Variants in KDM7A observed in about 807,000 individuals in gnomAD.
KDM7A encodes the protein lysine-specific demethylase 7A.
Under a neutral mutation model 114.8 loss-of-function variants are expected in KDM7A, and 28 were observed. The observed-to-expected ratio is 0.24, with a 90% CI of 0.18 to 0.33. KDM7A has a LOEUF of 0.33. KDM7A is among the 10% of genes least tolerant of loss of function. The pLI is 1.00. For missense variants in KDM7A, 942 were observed against 1,142.5 expected, an observed-to-expected ratio of 0.82 and a Z score of 2.53; for synonymous variants, 423 against 397.8, an observed-to-expected ratio of 1.06 and a Z score of -0.75.
chr7:140,172,834 A>T (rs147907936), intron 1 of KDM7A, among the ~76,000 whole-genome samples: 1 of 152,284 alleles, frequency 6.6e-6, no homozygotes, highest in African/African-American at 2.4e-5. Flanking sequence ...AAGAATTCCA[A>T]TTTTTTTAAA....
At chr7:140,130,171 A>G (rs913661931) in intron 3 of KDM7A, among the ~76,000 whole-genome samples, 2 of 152,256 alleles carry the variant, frequency 1.3e-5, no homozygotes, top group African/African-American at 4.8e-5. Context: ...GTATTTTAGT[A>G]TGTAAACTAC....
Position 140,124,861 on chromosome 7 carries a change from T to C in KDM7A, c.889-78A>G, listed in dbSNP as rs1232209138. The C allele has an allele frequency of 3.8e-6, 3 of 779,778 alleles. No individual in the cohort carries two copies. The African/African-American group carries it at 5.3e-5, about 14-fold the overall frequency. The allele number at this position is 779,778 out of a possible 1,614,324, so 48.3% of individuals were successfully genotyped here. On this transcript the variant is annotated intron_variant, in intron 6 of 19. Coordinates refer to ENST00000397560, the MANE Select transcript of KDM7A (RefSeq NM_030647.2). Reference sequence around the variant, plus strand: ...AGCCTACATTGATGCAATTTCTCAATACAATGATACAAATTAAATTGGATA... The same window carrying C: ...AGCCTACATTGATGCAATTTCTCAACACAATGATACAAATTAAATTGGATA...
intron 1 of KDM7A, among the ~76,000 whole-genome samples, chr7:140,141,587 C>A (rs1794278289): frequency 6.6e-6 from 1 of 151,952 alleles, no homozygotes; most frequent in African/African-American, 2.4e-5. Context: ...ATATATGTAT[C>A]TTTTTATTTT....
intron 6 of KDM7A, 95 bp downstream of exon 6, chr7:140,126,542 T>A: frequency 1.3e-5 from 8 of 637,848 alleles, no homozygotes; most frequent in Non-Finnish European, 1.7e-5. Context: ...AACTTCCCCC[T>A]TTACAAGTAA....
intron 18 of KDM7A, 50 bp from the exon 19 acceptor site, chr7:140,092,127 G>A (rs367758694): frequency 1.1e-4 from 178 of 1,557,420 alleles, no homozygotes; most frequent in Non-Finnish European, 1.4e-4. Context: ...TTTAAATGAG[G>A]TATTTAAGCT....
At position 140,091,896 on chromosome 7, in the gene KDM7A, C is replaced by T; in HGVS notation, c.2639G>A (p.Arg880Lys). Reference protein sequence around the residue: ...QISNGSLSPERPVGETSFSVP... With the variant: ...QISNGSLSPEKPVGETSFSVP... ...CGAGAAGGAAGTTTCACCAACTGGCCTTTCTGGGCTTAGACTGCCATTACT... is the reference window on the plus strand; with the variant it reads ...CGAGAAGGAAGTTTCACCAACTGGCTTTTCTGGGCTTAGACTGCCATTACT... The change falls in exon 19 of 20, where the codon AGG (arginine) becomes AAG (lysine). Residue 880 changes from arginine (R) to lysine (K), a missense_variant. Arg to Lys is a conservative substitution (Grantham distance 26). Around this residue, in one of 4 missense-constraint regions of KDM7A, gnomAD observed 512 missense variants for 576.6 expected, o/e 0.89. Transcript: ENST00000397560. 6.2e-7 allele frequency: 1 copy of T among 1,614,058 alleles called. No homozygotes were observed. The highest frequency in any genetic ancestry group is 8.5e-7 in the Non-Finnish European group (1 of 1,180,030).
intron 18 of KDM7A, among the ~76,000 whole-genome samples, chr7:140,092,623 G>A (rs1315337149): frequency 1.3e-5 from 2 of 152,094 alleles, no homozygotes; most frequent in Non-Finnish European, 2.9e-5. Flanking sequence ...AAACGCTACT[G>A]ATTGATGAGT....
chr7:140,100,660 T>TTATATATATATATATATACATATATA (rs1818185318), intron 12 of KDM7A, among the ~76,000 whole-genome samples: 9 of 111,284 alleles, frequency 8.1e-5, no homozygotes, highest in Non-Finnish European at 7.2e-5. Flanking sequence ...TTTTAAAAAG[T>TTATATATATATATATATACATATATA]TATATATATA....
At chr7:140,134,813 T>C (rs1399330353) in intron 2 of KDM7A, among the ~76,000 whole-genome samples, 1 of 152,086 alleles carries the variant, frequency 6.6e-6, no homozygotes, top group Admixed American at 6.5e-5. Context: ...ATTTTCACAA[T>C]ATGTTTTGGG....
intron 1 of KDM7A, among the ~76,000 whole-genome samples, chr7:140,172,397 T>C (rs1241685820): frequency 6.6e-6 from 1 of 152,166 alleles, no homozygotes; most frequent in Non-Finnish European, 1.5e-5. Flanking sequence ...CTCACACCTG[T>C]AATCCCAGCA....
At chr7:140,114,824 C>T (rs1211871839) in intron 9 of KDM7A, among the ~76,000 whole-genome samples, 24 of 151,602 alleles carry the variant, frequency 1.6e-4, no homozygotes, top group Non-Finnish European at 3.1e-4. Flanking sequence ...GCCGCGACCC[C>T]GTCTGGGAGG....
intron 18 of KDM7A, among the ~76,000 whole-genome samples, chr7:140,093,235 G>A (rs1024728876): frequency 6.6e-6 from 1 of 152,176 alleles, no homozygotes; most frequent in Non-Finnish European, 1.5e-5. Context: ...GCAAAACCCA[G>A]GAGGCCTTTT....
rs1156420486 is a variant in KDM7A, at chr7:140,087,503, TA to T, written c.*3590del. ...ATCATGAATAGTATTAGTTTTCATTTAAAAATATATATAAAGGTGCATTAAT... is the reference window on the plus strand; with the variant it reads ...ATCATGAATAGTATTAGTTTTCATTTAAAATATATATAAAGGTGCATTAAT... On this transcript the variant is annotated 3_prime_UTR_variant, in exon 20 of 20. Transcript: ENST00000397560. 2 of 152,224 alleles carry T rather than the reference TA, an allele frequency of 1.3e-5. No homozygotes were observed. The highest frequency in any genetic ancestry group is 2.4e-5 in the African/African-American group (1 of 41,460). 9.4% of individuals were successfully genotyped at this position (152,224 alleles called of 1,614,324 possible). A position where few individuals can be genotyped will look rare whatever the true frequency, so the allele number is the denominator to read the frequency against.
At chr7:140,153,511 C>A (rs1457153280) in intron 1 of KDM7A, among the ~76,000 whole-genome samples, 7 of 150,654 alleles carry the variant, frequency 4.6e-5, no homozygotes, top group African/African-American at 1.7e-4. Context: ...AAAAAGTAAT[C>A]ACACAAGCTG....
At chr7:140,174,493 C>G (rs1251634395) in intron 1 of KDM7A, among the ~76,000 whole-genome samples, 1 of 152,172 alleles carries the variant, frequency 6.6e-6, no homozygotes, top group Admixed American at 6.5e-5. Context: ...CCATCAAATA[C>G]CTGGGGCTTT....
rs1249857536 is a variant in KDM7A at position 140,176,057 on chromosome 7, C to T, written c.194+687G>A. ...CCGCCCGCCGGGGGCCCGGCCCCAA[C>T]TTCCCCGGCACCTTTCAAGTCCCCG... On this transcript the variant is annotated intron_variant, in intron 1 of 19. Transcript: ENST00000397560. The surrounding 1 kb of genome is among the most constrained non-coding windows in gnomAD (Gnocchi z 4.4). Among the ~76,000 whole-genome samples the T allele has an allele frequency of 6.6e-6, 1 of 151,786 alleles. No individual in the cohort carries two copies. Among genetic ancestry groups the T allele is most frequent in the Non-Finnish European group, 1.5e-5 (1 of 67,870 alleles).
In KDM7A at chr7:140,126,822, T is replaced by A. The variant is rs1357294175; in HGVS notation, c.703A>T (p.Met235Leu). Residue 235 changes from methionine to leucine, a missense_variant and splice_region_variant, in exon 6 of 20, where the codon ATG becomes TTG. Transcript: ENST00000397560. ...TCAGGGACCTCCACCAATTCAGACATCCTTTCAAAAAACAAACATACACAC... is the reference window on the plus strand; with the variant it reads ...TCAGGGACCTCCACCAATTCAGACAACCTTTCAAAAAACAAACATACACAC... The part of the protein sequence containing the change: ...VISLEFSDTK[M>L]SELVEVPDIA... 6.2e-7 allele frequency: 1 copy of A among 1,609,440 alleles called. No individual in the cohort carries two copies. The highest frequency in any genetic ancestry group is 8.5e-7 in the Non-Finnish European group (1 of 1,177,892).
In KDM7A at chr7:140,159,847, G is replaced by T. The variant is rs115771839; in HGVS notation, c.194+16897C>A. On this transcript the variant is annotated intron_variant, in intron 1 of 19. Transcript: ENST00000397560. The stretch of plus-strand genomic sequence containing the variant: ...GCTTTATGGGAAATTGAAGGCCAGG[G>T]AAGTTTGTCCTGCCAGTGGGACAAA... Among the ~76,000 whole-genome samples the T allele has an allele frequency of 4.3e-3, 649 of 151,778 alleles. 8 individuals are homozygous for T. The highest frequency in any genetic ancestry group is 0.014 in the African/African-American group (590 of 41,372).
At position 140,115,842 on chromosome 7, in the gene KDM7A, T is replaced by A. The variant is rs1350286509; in HGVS notation, c.1247-2260A>T. On this transcript the variant is annotated intron_variant, in intron 9 of 19. Transcript: ENST00000397560. ...TAAATAAAAAAAAATAAAACATTAA[T>A]AGTACAAGAAAAGTAAAAAAAAAAA... is the stretch of plus-strand genomic sequence containing the variant. 1.1e-4 allele frequency among the ~76,000 whole-genome samples: 15 copies of A among 130,920 alleles called. No homozygotes were observed. The East Asian group carries it at 2.4e-3, about 21-fold the overall frequency. 85.9% of individuals were successfully genotyped at this position (130,920 alleles called of 152,430 possible).
Sources: allele counts gnomAD v4.1 joint callset (sites outside exome capture counted in the v4.1 genomes callset), GRCh38; gene constraint gnomAD v4.1.1; regional missense constraint gnomAD v4.1.1; non-coding constraint Gnocchi (gnomAD v3.1); transcripts MANE v1.5; gene names NCBI Gene and HGNC (gene_info 2026-07-23, HGNC 2026-07-21).